Variants in CPEB4 observed in about 807,000 individuals in gnomAD.
CPEB4 encodes the protein cytoplasmic polyadenylation element binding protein 4, also known as cytoplasmic polyadenylation element-binding protein 4.
In CPEB4, 12 loss-of-function variants were observed where a neutral mutation model predicts 72.5. The ratio of observed to expected loss-of-function variants is 0.17; its 90% CI spans 0.11 to 0.27. CPEB4 has a LOEUF of 0.27. Among genes scored for constraint, CPEB4 ranks in the 10% least tolerant of loss-of-function variants. The pLI, the probability that CPEB4 is intolerant of heterozygous loss-of-function variation, is 1.00. For missense variants in CPEB4, 614 were observed against 908.5 expected, an observed-to-expected ratio of 0.68 and a Z score of 4.17; for synonymous variants, 302 against 326.3, an observed-to-expected ratio of 0.93 and a Z score of 0.80.
rs1758175925 is a variant in CPEB4, at chr5:173,950,433, A to G, written c.1665+355A>G. ...CAGCCTGGCCAACATGGTGAAATCC[A>G]GTCTTTACTGAAAATACAAAAATTA... is the stretch of plus-strand genomic sequence containing the variant. On this transcript the variant is annotated intron_variant, in intron 7 of 9. Coordinates refer to ENST00000265085, the MANE Select transcript of CPEB4 (RefSeq NM_030627.4). This position sits in a 1 kb window ranked among gnomAD's most constrained non-coding sequence, Gnocchi z 5.0. Among the ~76,000 whole-genome samples the G allele has an allele frequency of 6.6e-6, 1 of 152,144 alleles. No homozygotes were observed. Among genetic ancestry groups the G allele is most frequent in the African/African-American group, 2.4e-5 (1 of 41,532 alleles).
chr5:173,945,227 C>T, intron 5 of CPEB4, 87 bp downstream of exon 5: 1 of 1,158,856 alleles, frequency 8.6e-7, no homozygotes, highest in Admixed American at 2.0e-5. Flanking sequence ...ACAGTCTTAT[C>T]TGGCTCCAAT....
At chr5:173,952,010 T>C in intron 8 of CPEB4, 72 bp downstream of exon 8, 1 of 1,041,058 alleles carries the variant, frequency 9.6e-7, no homozygotes, top group East Asian at 2.4e-5. Context: ...GATAAATTTT[T>C]CCTAAGAATT....
chr5:173,960,979 A>G lies in CPEB4; in HGVS notation c.*4842A>G, dbSNP rs1453952270. 6.6e-6 allele frequency: 1 copy of G among 152,234 alleles called. No individual in the cohort carries two copies. Among genetic ancestry groups the G allele is most frequent in the Non-Finnish European group, 1.5e-5 (1 of 68,034 alleles). The allele number at this position is 152,234 out of a possible 1,614,324, so 9.4% of individuals were successfully genotyped here. A position where few individuals can be genotyped will look rare whatever the true frequency, so the allele number is the denominator to read the frequency against. On this transcript the variant is annotated 3_prime_UTR_variant, in exon 10 of 10. Transcript: ENST00000265085. The stretch of plus-strand genomic sequence containing the variant: ...ATAAGGATTTATTATAACAAAATAT[A>G]ACACTGAGAATATCCTGTTTTGTCA...
chr5:173,908,308 A>G (rs1048589924), intron 1 of CPEB4, among the ~76,000 whole-genome samples: 2 of 152,186 alleles, frequency 1.3e-5, no homozygotes, highest in Non-Finnish European at 1.5e-5. Flanking sequence ...GAGGATAATG[A>G]GGAAAGAATC....
intron 3 of CPEB4, among the ~76,000 whole-genome samples, chr5:173,935,565 G>A (rs567071924): frequency 4.6e-5 from 7 of 152,192 alleles, no homozygotes; most frequent in South Asian, 2.1e-4. Context: ...GTTGAAAGCC[G>A]TTTCTTGTTT....
In CPEB4 at chr5:173,944,986, A is replaced by G. The variant is rs747800480; in HGVS notation, c.1302A>G (p.Pro434=). 8.7e-6 allele frequency: 14 copies of G among 1,612,566 alleles called. No homozygotes were observed. Among genetic ancestry groups the G allele is most frequent in the Non-Finnish European group, 1.2e-5 (14 of 1,178,982 alleles). The change falls in exon 5 of 10, where the codon CCA becomes CCG. Residue 434 remains proline (P), a synonymous_variant. Transcript: ENST00000265085. ...GRRRGQSSLF[P]MEDGFLDDGR... is the part of the protein sequence containing the mutation. Reference sequence around the variant, plus strand: ...TTCCAGGTCAGTCTTCACTGTTTCCAATGGAAGATGGATTCTTGGATGATG... The same window carrying G: ...TTCCAGGTCAGTCTTCACTGTTTCCGATGGAAGATGGATTCTTGGATGATG...
chr5:173,955,869 C>T lies in CPEB4; in HGVS notation c.1963-41C>T. The T allele has an allele frequency of 6.6e-7, 1 of 1,507,780 alleles. No homozygotes were observed. The highest frequency in any genetic ancestry group is 9.1e-7 in the Non-Finnish European group (1 of 1,092,960). 93.4% of individuals were successfully genotyped at this position (1,507,780 alleles called of 1,614,324 possible). ...GTACATGTATGGTAAGCATTGCTGGCCTAGTCACTGAAAAATGTAAACTCT... is the reference window on the plus strand; with the variant it reads ...GTACATGTATGGTAAGCATTGCTGGTCTAGTCACTGAAAAATGTAAACTCT... On this transcript the variant is annotated intron_variant, in intron 9 of 9. Coordinates refer to ENST00000265085, the MANE Select transcript of CPEB4 (RefSeq NM_030627.4). The surrounding 1 kb of genome is among the most constrained non-coding windows in gnomAD (Gnocchi z 4.7).
At chr5:173,912,852 A>G (rs2340009) in intron 2 of CPEB4, among the ~76,000 whole-genome samples, 95,269 of 147,044 alleles carry the variant, frequency 0.65, 31,759 homozygotes, top group Non-Finnish European at 0.73. Context: ...TGAGGCAGGA[A>G]GATCACTTGG....
At chr5:173,953,000 G>GAGT in intron 8 of CPEB4, 91 bp from the exon 9 acceptor site, 1 of 927,574 alleles carries the variant, frequency 1.1e-6, no homozygotes. Flanking sequence ...TGTGAGCTCA[G>GAGT]AGTACAGATG....
Position 173,951,898 on chromosome 5 carries a change from A to G in CPEB4, c.1740A>G (p.Lys580=). The G allele has an allele frequency of 1.2e-6, 2 of 1,613,826 alleles. No individual in the cohort carries two copies. The highest frequency in any genetic ancestry group is 1.7e-6 in the Non-Finnish European group (2 of 1,179,806). The part of the protein sequence containing the change: ...MDGSQPLDPR[K]TIFVGGVPRP... ...GTTCACAGCCACTTGACCCACGAAAAACTATATTTGTTGGTGGTGTTCCTC... is the reference window on the plus strand; with the variant it reads ...GTTCACAGCCACTTGACCCACGAAAGACTATATTTGTTGGTGGTGTTCCTC... The change falls in exon 8 of 10, where the codon AAA becomes AAG. Residue 580 remains lysine (K), a synonymous_variant. Coordinates refer to ENST00000265085, the MANE Select transcript of CPEB4 (RefSeq NM_030627.4).
chr5:173,946,964 C>G lies in CPEB4; in HGVS notation c.1456+1824C>G, dbSNP rs115196775. On this transcript the variant is annotated intron_variant, in intron 5 of 9. Transcript: ENST00000265085. ...ATGCGCATGTTAACCTTTTTCCCCC[C>G]CAAGATAAGGGCTCACATAGTGAGC... is the stretch of plus-strand genomic sequence containing the variant. 1.3e-3 allele frequency among the ~76,000 whole-genome samples: 191 copies of G among 152,028 alleles called. 1 individual carries two copies. The highest frequency in any genetic ancestry group is 2.3e-3 in the Non-Finnish European group (155 of 67,962).
chr5:173,949,461 G>C (rs1357390963), intron 5 of CPEB4, 47 bp from the exon 6 acceptor site: 1 of 1,368,392 alleles, frequency 7.3e-7, no homozygotes, highest in East Asian at 2.3e-5. Context: ...TTCAAAAAAT[G>C]ATCATAAAAA....
rs539196301 is a variant in CPEB4, at chr5:173,960,398, A to G, written c.*4261A>G. 1 of 152,812 alleles carries G rather than the reference A, an allele frequency of 6.5e-6. No individual in the cohort carries two copies. The highest frequency in any genetic ancestry group is 1.9e-4 in the East Asian group (1 of 5,282). 9.5% of individuals were successfully genotyped at this position (152,812 alleles called of 1,614,324 possible). ...TAACATTTTAAAATATTAGGAATAT[A>G]CTGTTCAGCTAATGCAGCACAAACC... On this transcript the variant is annotated 3_prime_UTR_variant, in exon 10 of 10. Transcript: ENST00000265085.
intron 2 of CPEB4, among the ~76,000 whole-genome samples, chr5:173,923,700 CT>C (rs1323458592): frequency 9.3e-5 from 14 of 150,538 alleles, no homozygotes; most frequent in Admixed American, 8.6e-4. Context: ...TTTTTTTCAC[CT>C]TTTTTTTTCC....
intron 2 of CPEB4, among the ~76,000 whole-genome samples, chr5:173,932,101 C>T (rs1395087562): frequency 6.6e-6 from 1 of 152,150 alleles, no homozygotes; most frequent in Non-Finnish European, 1.5e-5. Context: ...CTGCCAATTA[C>T]ATAGTTTCAA....
chr5:173,890,814 A>G lies in CPEB4; in HGVS notation c.1081A>G (p.Met361Val), dbSNP rs1336701379. ...CTCTGCCTTTGCACCTAAATCCTGGATGGAAGATAGCTTGAACAGGGCTGA... is the reference window on the plus strand; with the variant it reads ...CTCTGCCTTTGCACCTAAATCCTGGGTGGAAGATAGCTTGAACAGGGCTGA... ...PSSAFAPKSW[M>V]EDSLNRADNI... is the part of the protein sequence containing the mutation. The change falls in exon 1 of 10, where the codon ATG (methionine) becomes GTG (valine). Residue 361 changes from methionine (M) to valine (V), a missense_variant. By Grantham distance (21) the Met-to-Val change is conservative (BLOSUM62 1). Coordinates refer to ENST00000265085, the MANE Select transcript of CPEB4 (RefSeq NM_030627.4). 13 of 1,613,946 alleles carry G rather than the reference A, an allele frequency of 8.1e-6. No individual in the cohort carries two copies. The highest frequency in any genetic ancestry group is 1.6e-4 in the Middle Eastern group (1 of 6,082).
At chr5:173,903,876 G>A (rs1016544083) in intron 1 of CPEB4, among the ~76,000 whole-genome samples, 4 of 152,114 alleles carry the variant, frequency 2.6e-5, no homozygotes, top group Non-Finnish European at 2.9e-5. Flanking sequence ...CATTCATTTT[G>A]TTTTGTCAGA....
intron 1 of CPEB4, among the ~76,000 whole-genome samples, chr5:173,902,863 T>A (rs1031118208): frequency 1.3e-5 from 2 of 152,188 alleles, no homozygotes; most frequent in Admixed American, 6.5e-5. Flanking sequence ...TAAAAGCAAG[T>A]CCAAAGGGAC....
chr5:173,927,784 AAAAG>A (rs1446292264), intron 2 of CPEB4, among the ~76,000 whole-genome samples: 1 of 152,224 alleles, frequency 6.6e-6, no homozygotes, highest in East Asian at 1.9e-4. Flanking sequence ...CTAAAAAAAA[AAAAG>A]ATAGATTTGA....
Sources: allele counts gnomAD v4.1 joint callset (sites outside exome capture counted in the v4.1 genomes callset), GRCh38; gene constraint gnomAD v4.1.1; non-coding constraint Gnocchi (gnomAD v3.1); transcripts MANE v1.5; gene names NCBI Gene and HGNC (gene_info 2026-07-23, HGNC 2026-07-21).